The following NME7 variants were observed in gnomAD, a reference collection of about 807,000 sequenced individuals.
NME7 encodes the protein NME/NM23 family member 7.
NME7 carries 41 observed loss-of-function variants against 49.1 expected under a neutral mutation model. That is an observed-to-expected ratio of 0.83 (90% CI 0.65 to 1.08). The LOEUF (loss-of-function observed/expected upper bound fraction) is 1.08. Among genes scored for constraint, NME7 ranks in the 50% least tolerant of loss-of-function variants. The pLI, the probability that NME7 is intolerant of heterozygous loss-of-function variation, is 0.00. For synonymous variants in NME7, 139 were observed against 150.6 expected (o/e 0.92, Z 0.56); for missense variants, 423 against 463.4 (o/e 0.91, Z 0.80).
intron 1 of NME7, among the ~76,000 whole-genome samples, chr1:169,355,061 T>A (rs1467352503): frequency 4.4e-5 from 3 of 68,364 alleles, no homozygotes; most frequent in African/African-American, 6.0e-5. Flanking sequence ...TATAATATAC[T>A]ATATATTATA....
chr1:169,283,572 A>G (rs1450975959), intron 7 of NME7, among the ~76,000 whole-genome samples: 19 of 152,118 alleles, frequency 1.2e-4, no homozygotes, highest in Non-Finnish European at 2.1e-4. Context: ...ATGTTTTTGC[A>G]GTGGCTGGTA....
At chr1:169,355,687 T>TCTC (rs1459810411) in intron 1 of NME7, among the ~76,000 whole-genome samples, 4 of 151,938 alleles carry the variant, frequency 2.6e-5, no homozygotes, top group African/African-American at 4.8e-5. Flanking sequence ...TTCATTCAGG[T>TCTC]CTCCACTCAT....
intron 9 of NME7, among the ~76,000 whole-genome samples, chr1:169,231,219 T>C (rs1364609298): frequency 1.3e-5 from 2 of 152,112 alleles, no homozygotes; most frequent in African/African-American, 4.8e-5. Context: ...CAAGAAATAA[T>C]AGGACCAGAT....
At chr1:169,154,354 G>A (rs12758208) in intron 11 of NME7, among the ~76,000 whole-genome samples, 60,026 of 151,776 alleles carry the variant, frequency 0.4, 12,206 homozygotes, top group East Asian at 0.74. Flanking sequence ...AAATGACTGC[G>A]GATTCATATC....
intron 7 of NME7, among the ~76,000 whole-genome samples, chr1:169,244,944 C>T (rs1298490300): frequency 2.0e-5 from 3 of 152,036 alleles, no homozygotes; most frequent in African/African-American, 4.8e-5. Context: ...GCCTGGCCAA[C>T]ATGGAGAAAC....
At chr1:169,165,096 C>CATATT (rs147438084) in intron 11 of NME7, among the ~76,000 whole-genome samples, 19,506 of 95,458 alleles carry the variant, frequency 0.2, 2,488 homozygotes, top group East Asian at 0.73. Context: ...TAGAATGTCT[C>CATATT]ATAAATACCA....
chr1:169,279,922 T>A (rs542997449), intron 7 of NME7, among the ~76,000 whole-genome samples: 1 of 152,236 alleles, frequency 6.6e-6, no homozygotes, highest in African/African-American at 2.4e-5. Context: ...TGCGTTAACA[T>A]ACATGTGAAT....
intron 5 of NME7, among the ~76,000 whole-genome samples, chr1:169,299,028 T>C (rs1321626136): frequency 6.6e-6 from 1 of 152,132 alleles, no homozygotes; most frequent in Non-Finnish European, 1.5e-5. Flanking sequence ...TTAAGACTAT[T>C]TCATGACTTA....
intron 10 of NME7, among the ~76,000 whole-genome samples, chr1:169,170,927 A>G (rs904146135): frequency 3.3e-5 from 5 of 151,934 alleles, no homozygotes; most frequent in African/African-American, 1.2e-4. Context: ...TCCATCTCAG[A>G]AAACAAGCAG....
chr1:169,178,980 C>T (rs1351660598), intron 10 of NME7, among the ~76,000 whole-genome samples: 1 of 151,950 alleles, frequency 6.6e-6, no homozygotes, highest in East Asian at 1.9e-4. Context: ...GCCACCACAC[C>T]CGGCTAATTT....
At chr1:169,198,745 A>G (rs1020257084) in intron 10 of NME7, among the ~76,000 whole-genome samples, 21 of 152,084 alleles carry the variant, frequency 1.4e-4, no homozygotes, top group Admixed American at 5.9e-4. Context: ...CAAAAGGTAT[A>G]GGGCTTGTTT....
intron 7 of NME7, among the ~76,000 whole-genome samples, chr1:169,279,208 C>G (rs1412815234): frequency 2.0e-5 from 3 of 152,220 alleles, no homozygotes; most frequent in Non-Finnish European, 4.4e-5. Context: ...AACCACTGCT[C>G]TCTTCAAAGC....
intron 11 of NME7, among the ~76,000 whole-genome samples, chr1:169,156,167 G>A (rs1270569590): frequency 1.1e-5 from 1 of 91,278 alleles, no homozygotes; most frequent in Admixed American, 1.0e-4. Context: ...AAAAAAATTA[G>A]TGGGGCATGA....
chr1:169,357,802 C>G (rs1415908674), intron 1 of NME7, among the ~76,000 whole-genome samples: 1 of 152,048 alleles, frequency 6.6e-6, no homozygotes, highest in Admixed American at 6.6e-5. Context: ...ATTGTACTTT[C>G]ACAGTCAAAT....
Position 169,169,625 on chromosome 1 carries a change from T to C in NME7, c.991-71A>G. The C allele has an allele frequency of 5.2e-6, 7 of 1,353,988 alleles. No individual in the cohort carries two copies. The East Asian group carries it at 9.2e-5, about 18-fold the overall frequency. The allele number at this position is 1,353,988 out of a possible 1,614,324, so 83.9% of individuals were successfully genotyped here. On this transcript the variant is annotated intron_variant, in intron 10 of 11. Coordinates refer to ENST00000367811, the MANE Select transcript of NME7 (RefSeq NM_013330.5). ...ATAAATAAGAAAAACACTAGCTATA[T>C]GAAACGCTAACTTATTTATGAAATA... is the stretch of plus-strand genomic sequence containing the variant.
chr1:169,316,930 A>C (rs57722630), intron 3 of NME7, among the ~76,000 whole-genome samples: 3,128 of 129,786 alleles, frequency 0.024, 111 homozygotes, highest in African/African-American at 0.076. Flanking sequence ...AAAACCATAT[A>C]ATAGAAAAAA....
At chr1:169,254,530 AT>A (rs1411619211) in intron 7 of NME7, among the ~76,000 whole-genome samples, 8 of 151,488 alleles carry the variant, frequency 5.3e-5, no homozygotes, top group African/African-American at 1.9e-4. Context: ...GGATTCATTA[AT>A]TTTTTGAAGG....
rs541509078 is a variant in NME7, at chr1:169,156,641, C to G, written c.1098+12806G>C. Among the ~76,000 whole-genome samples, 6 of 152,298 alleles carry G rather than the reference C, an allele frequency of 3.9e-5. No individual in the cohort carries two copies. The South Asian group carries it at 6.2e-4, about 16-fold the overall frequency. ...TTAAGTCATTAAGCTTGTTACTTTT[C>G]AGATTCAGAAGGCAGCCTATCTGAA... On this transcript the variant is annotated intron_variant, in intron 11 of 11. Coordinates refer to ENST00000367811, the MANE Select transcript of NME7 (RefSeq NM_013330.5).
intron 11 of NME7, among the ~76,000 whole-genome samples, chr1:169,152,115 C>A (rs766618251): frequency 6.6e-6 from 1 of 152,078 alleles, no homozygotes; most frequent in Non-Finnish European, 1.5e-5. Flanking sequence ...GCCTAACAGG[C>A]CTGACACGAA....
Sources: gnomAD v4.1 joint callset for allele counts (sites outside exome capture counted in the v4.1 genomes callset) on GRCh38, gnomAD v4.1.1 for gene constraint, MANE v1.5 for transcripts, NCBI Gene and HGNC (gene_info 2026-07-23, HGNC 2026-07-21) for gene names.